Variants in SHMT1 observed in about 807,000 individuals in gnomAD.
SHMT1 encodes the protein serine hydroxymethyltransferase 1.
SHMT1 carries 45 observed loss-of-function variants against 49.0 expected under a neutral mutation model. The ratio of observed to expected loss-of-function variants is 0.92; its 90% CI spans 0.72 to 1.18. The LOEUF (loss-of-function observed/expected upper bound fraction) is 1.18. SHMT1 is among the 50% of genes most tolerant of loss of function. The probability of loss-of-function intolerance (pLI) is 0.00; values close to 1 mark genes in which losing one functional copy is unlikely to be tolerated. For missense variants in SHMT1, 541 were observed against 612.4 expected, an observed-to-expected ratio of 0.88 and a Z score of 1.23; for synonymous variants, 232 against 246.6, an observed-to-expected ratio of 0.94 and a Z score of 0.55.
intron 9 of SHMT1, 63 bp from the exon 10 acceptor site, chr17:18,330,734 G>A (rs1983118673): frequency 1.6e-6 from 2 of 1,218,846 alleles, no homozygotes; most frequent in East Asian, 4.7e-5. Flanking sequence ...GAATCTCTGA[G>A]AAACGAAGGC....
chr17:18,345,458 T>G (rs1253911605), intron 5 of SHMT1, among the ~76,000 whole-genome samples: 1 of 152,030 alleles, frequency 6.6e-6, no homozygotes, highest in African/African-American at 2.4e-5. Flanking sequence ...GCTTTCACCA[T>G]GTTGGCCAGG....
In SHMT1 at chr17:18,336,946, C is replaced by G. The variant is rs186321124; in HGVS notation, c.815-1271G>C. On this transcript the variant is annotated intron_variant, in intron 7 of 11. Coordinates refer to ENST00000316694, the MANE Select transcript of SHMT1 (RefSeq NM_004169.5). ...GAGTGACAGAGTGAGACCCTGTCCC[C>G]AAAAATAAAATTTAAAGAGTCTCCA... is the stretch of plus-strand genomic sequence containing the variant. Among the ~76,000 whole-genome samples the G allele has an allele frequency of 3.3e-5, 5 of 152,010 alleles. No homozygotes were observed. The East Asian group carries it at 9.7e-4, about 29-fold the overall frequency.
chr17:18,341,168 T>C, intron 5 of SHMT1: 1 of 311,270 alleles, frequency 3.2e-6, no homozygotes, highest in Admixed American at 4.6e-5. Context: ...CTAATACTAC[T>C]TCTATTCCAA....
intron 3 of SHMT1, 179 bp from the exon 4 acceptor site, chr17:18,348,619 G>A (rs747748316): frequency 2.8e-6 from 2 of 716,544 alleles, no homozygotes; most frequent in African/African-American, 1.7e-5. Flanking sequence ...AATGCCTCTG[G>A]AATCTACAGT....
At chr17:18,358,839 G>A (rs1219542053) in intron 1 of SHMT1, among the ~76,000 whole-genome samples, 1 of 152,178 alleles carries the variant, frequency 6.6e-6, no homozygotes, top group Non-Finnish European at 1.5e-5. Flanking sequence ...GAAGCTAGAG[G>A]TTGCAATGAG....
chr17:18,347,039 G>C (rs1440800004), intron 5 of SHMT1, among the ~76,000 whole-genome samples: 1 of 152,224 alleles, frequency 6.6e-6, no homozygotes, highest in Non-Finnish European at 1.5e-5. Context: ...CGGGCTGCTG[G>C]TTTTGGTGCT....
At chr17:18,348,989 G>GA (rs137955656) in intron 3 of SHMT1, among the ~76,000 whole-genome samples, 15,995 of 142,898 alleles carry the variant, frequency 0.11, 958 homozygotes, top group South Asian at 0.19. Flanking sequence ...AAAAGAAAAA[G>GA]AAAAAAAAAA....
intron 3 of SHMT1, among the ~76,000 whole-genome samples, chr17:18,352,499 G>T (rs1985825592): frequency 6.6e-6 from 1 of 152,088 alleles, no homozygotes; most frequent in Non-Finnish European, 1.5e-5. Context: ...ATTGCTGTGA[G>T]AATCGAATGA....
At chr17:18,359,119 C>A (rs1986519217) in intron 1 of SHMT1, among the ~76,000 whole-genome samples, 2 of 150,644 alleles carry the variant, frequency 1.3e-5, no homozygotes. Context: ...GCACCTGTAA[C>A]CCCAGCTACT....
At chr17:18,343,543 G>C (rs897576587) in intron 5 of SHMT1, among the ~76,000 whole-genome samples, 1 of 150,220 alleles carries the variant, frequency 6.7e-6, no homozygotes, top group Non-Finnish European at 1.5e-5. Context: ...GGGAGGCAGA[G>C]GTTGCAGTAA....
In SHMT1 at chr17:18,340,729, C is replaced by T; in HGVS notation, c.601+3G>A. On this transcript the variant is annotated splice_donor_region_variant and intron_variant, in intron 6 of 11. Coordinates refer to ENST00000316694, the MANE Select transcript of SHMT1 (RefSeq NM_004169.5). The surrounding 1 kb of genome is among the most constrained non-coding windows in gnomAD (Gnocchi z 4.5). ...CAAGGTGACTTTCCGCCCCGCGCAT[C>T]ACCTGCGATGATCAGCTTCGGGTGG... 1 of 1,611,138 alleles carries T rather than the reference C, an allele frequency of 6.2e-7. No individual in the cohort carries two copies. The highest frequency in any genetic ancestry group is 8.5e-7 in the Non-Finnish European group (1 of 1,178,812).
intron 1 of SHMT1, among the ~76,000 whole-genome samples, chr17:18,358,262 T>C (rs926787560): frequency 4.9e-5 from 7 of 143,678 alleles, no homozygotes; most frequent in Admixed American, 1.4e-4. Flanking sequence ...GAGGCCGAGG[T>C]GGGCGGATCA....
At position 18,328,418 on chromosome 17, in the gene SHMT1, A is replaced by G. The variant is rs78310975; in HGVS notation, c.*332T>C. The G allele has an allele frequency of 0.012, 4,269 of 359,498 alleles. 190 individuals are homozygous for G. The highest frequency in any genetic ancestry group is 0.083 in the African/African-American group (3,967 of 47,564). 22.3% of individuals were successfully genotyped at this position (359,498 alleles called of 1,614,324 possible). ...AGCCCAGGGAGAGTAAAACGCTACA[A>G]TCTTTCTAACAGCTTTGCCCTACAC... On this transcript the variant is annotated 3_prime_UTR_variant, in exon 12 of 12. Coordinates refer to ENST00000316694, the MANE Select transcript of SHMT1 (RefSeq NM_004169.5).
intron 8 of SHMT1, 150 bp downstream of exon 8, chr17:18,335,409 C>T: frequency 1.4e-6 from 1 of 689,994 alleles, no homozygotes; most frequent in South Asian, 1.7e-5. Context: ...AGGCCAGTCT[C>T]AACCATGCCC....
Position 18,340,625 on chromosome 17 carries a change from C to A in SHMT1, c.601+107G>T, listed in dbSNP as rs1170446553. The stretch of plus-strand genomic sequence containing the variant: ...ACCCCAGAAACTCAGTTATCCAGGG[C>A]AGAAACTAGCAGTGGGCTCAACAGG... On this transcript the variant is annotated intron_variant, in intron 6 of 11. Coordinates refer to ENST00000316694, the MANE Select transcript of SHMT1 (RefSeq NM_004169.5). This position sits in a 1 kb window ranked among gnomAD's most constrained non-coding sequence, Gnocchi z 4.5. The A allele has an allele frequency of 1.0e-6, 1 of 962,886 alleles. No individual in the cohort carries two copies. The highest frequency in any genetic ancestry group is 1.6e-6 in the Non-Finnish European group (1 of 611,420). 59.6% of individuals were successfully genotyped at this position (962,886 alleles called of 1,614,324 possible). A position where few individuals can be genotyped will look rare whatever the true frequency, so the allele number is the denominator to read the frequency against.
intron 5 of SHMT1, among the ~76,000 whole-genome samples, chr17:18,341,836 G>A (rs1016398920): frequency 1.3e-5 from 2 of 152,044 alleles, no homozygotes; most frequent in Non-Finnish European, 2.9e-5. Context: ...TTCATGGAAG[G>A]GCAGAGCATC....
chr17:18,346,717 A>C (rs1219051713), intron 5 of SHMT1, among the ~76,000 whole-genome samples: 2 of 152,084 alleles, frequency 1.3e-5, no homozygotes, highest in Non-Finnish European at 2.9e-5. Context: ...AAACATCACA[A>C]CCTAGTCTGG....
intron 7 of SHMT1, among the ~76,000 whole-genome samples, chr17:18,338,316 T>C (rs545266652): frequency 6.6e-6 from 1 of 150,978 alleles, no homozygotes; most frequent in South Asian, 2.1e-4. Flanking sequence ...GTCTGGGAAG[T>C]GAGGAGCATC....
chr17:18,354,070 G>C (rs1285075723), intron 2 of SHMT1, among the ~76,000 whole-genome samples: 1 of 152,096 alleles, frequency 6.6e-6, no homozygotes, highest in Non-Finnish European at 1.5e-5. Context: ...ATCACCTGAG[G>C]TCAGGAGTTC....
Sources: gnomAD v4.1 joint callset for allele counts (sites outside exome capture counted in the v4.1 genomes callset) on GRCh38, gnomAD v4.1.1 for gene constraint, Gnocchi (gnomAD v3.1) non-coding constraint, MANE v1.5 for transcripts, NCBI Gene and HGNC (gene_info 2026-07-23, HGNC 2026-07-21) for gene names.